Variants in GRB10 observed in about 807,000 individuals in gnomAD.
The protein encoded by GRB10 is growth factor receptor bound protein 10, also known as growth factor receptor-bound protein 10.
In GRB10, 20 loss-of-function variants were observed where a neutral mutation model predicts 80.9. The observed-to-expected ratio is 0.25, with a 90% CI of 0.17 to 0.36. The LOEUF (loss-of-function observed/expected upper bound fraction) is 0.36, where lower values mean the gene tolerates loss of function less well. Among genes scored for constraint, GRB10 ranks in the 10% least tolerant of loss-of-function variants. The probability of loss-of-function intolerance (pLI) is 1.00; values close to 1 mark genes in which losing one functional copy is unlikely to be tolerated. For missense variants in GRB10, 548 were observed against 747.7 expected (o/e 0.73, Z 3.12); for synonymous variants, 291 against 291.5 (o/e 1.00, Z 0.02).
rs962158844 is a variant in GRB10, at chr7:50,590,856, G to A, written c.*2096C>T. 7.9e-5 allele frequency: 12 copies of A among 152,334 alleles called. No individual in the cohort carries two copies. Among genetic ancestry groups the A allele is most frequent in the Admixed American group, 6.5e-4 (10 of 15,304 alleles). The allele number at this position is 152,334 out of a possible 1,614,324, so 9.4% of individuals were successfully genotyped here. On this transcript the variant is annotated 3_prime_UTR_variant, in exon 19 of 19. Transcript: ENST00000401949. ...GCTACATACAAAACTGTGAATCAGAGTCAAGCTTTTGTTCTCCTTTTAAAT... is the reference window on the plus strand; with the variant it reads ...GCTACATACAAAACTGTGAATCAGAATCAAGCTTTTGTTCTCCTTTTAAAT...
chr7:50,727,142 A>C (rs911726706), intron 4 of GRB10: 2 of 152,252 alleles, frequency 1.3e-5, no homozygotes, highest in Non-Finnish European at 2.9e-5. Flanking sequence ...CAAGGGAAGT[A>C]AACAGGAAGA....
intron 7 of GRB10, among the ~76,000 whole-genome samples, chr7:50,650,312 C>T (rs188467827): frequency 4.6e-5 from 7 of 152,252 alleles, no homozygotes; most frequent in South Asian, 4.1e-4. Context: ...TAGAACAGAG[C>T]GCCAACCAAG....
rs2050231076 is a variant in GRB10 at position 50,614,752 on chromosome 7, T to C, written c.1095+18A>G. 1 of 1,544,428 alleles carries C rather than the reference T, an allele frequency of 6.5e-7. No individual in the cohort carries two copies. The highest frequency in any genetic ancestry group is 9.0e-7 in the Non-Finnish European group (1 of 1,116,576). On this transcript the variant is annotated intron_variant, in intron 12 of 18. Transcript: ENST00000401949. The stretch of plus-strand genomic sequence containing the variant: ...GGCTGCTGAGCATGCGCGCCGTCTG[T>C]GGACAGCTCGTGGGTACCTTTATGC...
intron 5 of GRB10, among the ~76,000 whole-genome samples, chr7:50,679,998 C>T (rs2061376085): frequency 6.6e-6 from 1 of 152,180 alleles, no homozygotes; most frequent in African/African-American, 2.4e-5. Context: ...CACTTAATTT[C>T]CCATATATAG....
intron 2 of GRB10, among the ~76,000 whole-genome samples, chr7:50,764,280 G>A (rs1047643179): frequency 1.6e-4 from 24 of 152,290 alleles, no homozygotes; most frequent in Middle Eastern, 3.4e-3. Flanking sequence ...TCAGCCCTTG[G>A]CTGCCTCTTC....
chr7:50,780,117 TG>T (rs1316180437), intron 2 of GRB10, among the ~76,000 whole-genome samples: 1 of 152,116 alleles, frequency 6.6e-6, no homozygotes, highest in Non-Finnish European at 1.5e-5. Context: ...CCATTCCACA[TG>T]AAAACAGAAG....
intron 7 of GRB10, among the ~76,000 whole-genome samples, chr7:50,665,634 G>A (rs891643029): frequency 6.6e-5 from 10 of 152,238 alleles, no homozygotes; most frequent in African/African-American, 2.2e-4. Flanking sequence ...CCCACGTGGG[G>A]GTAGCAACGA....
intron 11 of GRB10, 119 bp downstream of exon 11, chr7:50,616,091 G>T: frequency 8.7e-7 from 1 of 1,144,460 alleles, no homozygotes; most frequent in Non-Finnish European, 1.3e-6. Context: ...TTAAGAAGTT[G>T]TCCTGAGCTT....
intron 6 of GRB10, among the ~76,000 whole-genome samples, chr7:50,670,744 A>C (rs548185755): frequency 6.6e-6 from 1 of 152,370 alleles, no homozygotes; most frequent in Non-Finnish European, 1.5e-5. Flanking sequence ...TGAAAATACA[A>C]GAAAAGGCTG....
At chr7:50,694,723 C>T (rs1260543004) in intron 5 of GRB10, among the ~76,000 whole-genome samples, 1 of 152,098 alleles carries the variant, frequency 6.6e-6, no homozygotes, top group African/African-American at 2.4e-5. Flanking sequence ...TCTCAGAGCA[C>T]CTGTTAGTAG....
At chr7:50,783,521 C>CCA (rs563887300), upstream of GRB10, among the ~76,000 whole-genome samples, 2 of 151,026 alleles carry the variant, frequency 1.3e-5, no homozygotes, top group African/African-American at 4.9e-5. Flanking sequence ...CACACATACA[C>CCA]CACACACACA....
At chr7:50,711,091 C>T in intron 4 of GRB10, 1 of 625,918 alleles carries the variant, frequency 1.6e-6, no homozygotes, top group Non-Finnish European at 2.9e-6. Context: ...TGTCTTCCAC[C>T]TGGGAGAATG....
chr7:50,752,076 T>C (rs2074198406), intron 3 of GRB10, among the ~76,000 whole-genome samples: 1 of 152,158 alleles, frequency 6.6e-6, no homozygotes, highest in Non-Finnish European at 1.5e-5. Context: ...CGCAATCCAG[T>C]GGGGAGAAGC....
intron 10 of GRB10, 180 bp downstream of exon 10, chr7:50,617,891 A>G (rs2050944491): frequency 4.6e-6 from 3 of 654,288 alleles, no homozygotes; most frequent in Admixed American, 5.0e-5. Context: ...TTTTCCAAGG[A>G]AACTTTTAAT....
Position 50,733,626 on chromosome 7 carries a change from A to G in GRB10, c.-46-1258T>C, listed in dbSNP as rs1010626257. Among the ~76,000 whole-genome samples, 7 of 152,274 alleles carry G rather than the reference A, an allele frequency of 4.6e-5. No individual in the cohort carries two copies. In the South Asian group the frequency reaches 6.2e-4, roughly 14 times the overall value. ...CCATGACCTGGCTCAGACGTCCCCA[A>G]CCTACTCAGTGAGAACTGTGCCCGC... is the stretch of plus-strand genomic sequence containing the variant. On this transcript the variant is annotated intron_variant, in intron 3 of 18. Transcript: ENST00000401949.
At chr7:50,687,571 C>T (rs1337687354) in intron 5 of GRB10, among the ~76,000 whole-genome samples, 1 of 152,182 alleles carries the variant, frequency 6.6e-6, no homozygotes, top group African/African-American at 2.4e-5. Context: ...TCCACTCAAC[C>T]CTGGGTGCAG....
intron 4 of GRB10, chr7:50,710,755 T>C: frequency 9.0e-7 from 1 of 1,105,030 alleles, no homozygotes; most frequent in Non-Finnish European, 1.4e-6. Flanking sequence ...TCTCCACACC[T>C]TCCTGAGGCA....
At position 50,755,971 on chromosome 7, in the gene GRB10, C is replaced by T. The variant is rs914508471; in HGVS notation, c.-131G>A. On this transcript the variant is annotated 5_prime_UTR_variant, in exon 3 of 19. Coordinates refer to ENST00000401949, the MANE Select transcript of GRB10 (RefSeq NM_001350814.2). ...AGGACCCAGGTGAGGACCTGGCTGC[C>T]GGTCACTGGGCTGCTGGTCACTGAG... 4.3e-5 allele frequency: 17 copies of T among 398,768 alleles called. No homozygotes were observed. Among genetic ancestry groups the T allele is most frequent in the Admixed American group, 3.1e-4 (7 of 22,716 alleles). The allele number at this position is 398,768 out of a possible 1,614,324, so 24.7% of individuals were successfully genotyped here.
intron 7 of GRB10, among the ~76,000 whole-genome samples, chr7:50,634,296 T>C (rs1354217239): frequency 6.6e-6 from 1 of 152,142 alleles, no homozygotes; most frequent in Non-Finnish European, 1.5e-5. Flanking sequence ...CAAACTAAGC[T>C]TCAAAAATGA....
Sources: allele counts gnomAD v4.1 joint callset (sites outside exome capture counted in the v4.1 genomes callset), GRCh38; gene constraint gnomAD v4.1.1; transcripts MANE v1.5; gene names NCBI Gene and HGNC (gene_info 2026-07-23, HGNC 2026-07-21).